Variants in CEP164 observed in about 807,000 individuals in gnomAD.
The protein encoded by CEP164 is centrosomal protein of 164 kDa.
Under a neutral mutation model 182.7 loss-of-function variants are expected in CEP164, and 162 were observed. The observed-to-expected ratio is 0.89, with a 90% CI of 0.78 to 1.01. The LOEUF (loss-of-function observed/expected upper bound fraction) is 1.01, where lower values mean the gene tolerates loss of function less well. Ranked by LOEUF, CEP164 falls within the 50% of genes least tolerant of loss-of-function variation. The pLI, the probability that CEP164 is intolerant of heterozygous loss-of-function variation, is 0.00. For missense variants in CEP164, 1,735 were observed against 1,790.4 expected (o/e 0.97, Z 0.56); for synonymous variants, 661 against 690.0 (o/e 0.96, Z 0.66).
chr11:117,329,649 C>G (rs949617599), intron 1 of CEP164, among the ~76,000 whole-genome samples: 1 of 152,186 alleles, frequency 6.6e-6, no homozygotes, highest in Non-Finnish European at 1.5e-5. Context: ...TCAAGCGATT[C>G]TCCTGCCTCA....
chr11:117,328,756 A>G (rs1246254071), intron 1 of CEP164, among the ~76,000 whole-genome samples: 1 of 152,184 alleles, frequency 6.6e-6, no homozygotes, highest in Non-Finnish European at 1.5e-5. Flanking sequence ...TTATTCATCT[A>G]ATAAATACAG....
intron 1 of CEP164, among the ~76,000 whole-genome samples, chr11:117,329,831 C>G (rs1228977666): frequency 7.0e-6 from 1 of 143,736 alleles, no homozygotes; most frequent in Non-Finnish European, 1.5e-5. Flanking sequence ...TGAGCCACTG[C>G]GCCTGGCCTT....
Position 117,411,231 on chromosome 11 carries a change from CGGAGTCT to C in CEP164, c.4163+340_4163+346del, listed in dbSNP as rs2047325131. 3.2e-6 allele frequency: 1 copy of C among 315,710 alleles called. No individual in the cohort carries two copies. The highest frequency in any genetic ancestry group is 2.1e-5 in the African/African-American group (1 of 48,176). 19.6% of individuals were successfully genotyped at this position (315,710 alleles called of 1,614,324 possible). ...CCCCTCCCTCTAGCCCCTCCAGCCC[CGGAGTCT>C]GGCCTTTGTCTTTGCCCTTGAGCTC... On this transcript the variant is annotated intron_variant, in intron 31 of 32. Transcript: ENST00000278935. This position sits in a 1 kb window ranked among gnomAD's most constrained non-coding sequence, Gnocchi z 4.4.
At chr11:117,337,247 G>T (rs773346178) in intron 2 of CEP164, among the ~76,000 whole-genome samples, 1 of 152,106 alleles carries the variant, frequency 6.6e-6, no homozygotes, top group Non-Finnish European at 1.5e-5. Flanking sequence ...TCAGATGGTA[G>T]AGAGAGACCT....
At position 117,350,737 on chromosome 11, in the gene CEP164, T is replaced by A. The variant is rs547712847; in HGVS notation, c.195-1053T>A. On this transcript the variant is annotated intron_variant, in intron 4 of 32. Coordinates refer to ENST00000278935, the MANE Select transcript of CEP164 (RefSeq NM_014956.5). Reference sequence around the variant, plus strand: ...TTATTGGCATCTTTACAGACTTGAGTCTTTCTATTCTGGAATACTGAATGC... The same window carrying A: ...TTATTGGCATCTTTACAGACTTGAGACTTTCTATTCTGGAATACTGAATGC... Among the ~76,000 whole-genome samples the A allele has an allele frequency of 2.0e-5, 3 of 152,298 alleles. No individual in the cohort carries two copies. The South Asian group carries it at 6.2e-4, about 32-fold the overall frequency.
At chr11:117,336,741 C>A in intron 2 of CEP164, 1 of 648,732 alleles carries the variant, frequency 1.5e-6, no homozygotes, top group Non-Finnish European at 2.8e-6. Flanking sequence ...GCCGTTTCAT[C>A]CTTGCTGCTC....
chr11:117,378,408 T>G (rs1342534731), intron 11 of CEP164, among the ~76,000 whole-genome samples: 2 of 152,238 alleles, frequency 1.3e-5, no homozygotes, highest in African/African-American at 4.8e-5. Flanking sequence ...AACTGCATGG[T>G]GATGTGCTCT....
At chr11:117,323,883 G>A (rs1181645579), upstream of CEP164, 1 of 404,802 alleles carries the variant, frequency 2.5e-6, no homozygotes, top group East Asian at 7.9e-5. Flanking sequence ...TTGGCCATTT[G>A]TATATCTTCT....
At chr11:117,326,086 T>C (rs2035426607), upstream of CEP164, among the ~76,000 whole-genome samples, 1 of 151,556 alleles carries the variant, frequency 6.6e-6, no homozygotes, top group Non-Finnish European at 1.5e-5. Context: ...AATTTTGTAT[T>C]TTTTAGTAGA....
chr11:117,342,071 A>T (rs973901234), intron 3 of CEP164, among the ~76,000 whole-genome samples: 7 of 152,052 alleles, frequency 4.6e-5, no homozygotes, highest in Non-Finnish European at 1.0e-4. Context: ...TCTTGCATTT[A>T]TCAGAAGCTT....
chr11:117,324,439 T>C (rs1489947823), upstream of CEP164, among the ~76,000 whole-genome samples: 3 of 137,764 alleles, frequency 2.2e-5, no homozygotes, highest in Non-Finnish European at 4.7e-5. Context: ...AAACTCCCTC[T>C]CAAAAAAAAA....
upstream of CEP164, among the ~76,000 whole-genome samples, chr11:117,325,187 C>T (rs1385912783): frequency 2.6e-5 from 4 of 152,106 alleles, no homozygotes; most frequent in Non-Finnish European, 5.9e-5. Context: ...CGGGTTCAAG[C>T]GATTCTCCTG....
intron 4 of CEP164, among the ~76,000 whole-genome samples, chr11:117,344,939 C>A (rs2038679805): frequency 6.6e-6 from 1 of 150,666 alleles, no homozygotes; most frequent in South Asian, 2.1e-4. Context: ...AAAAAAAAAA[C>A]CAAAGTAAAT....
chr11:117,407,457 CAAAAAAAA>C (rs1232486465), intron 27 of CEP164, among the ~76,000 whole-genome samples: 45 of 69,012 alleles, frequency 6.5e-4, no homozygotes, highest in South Asian at 2.5e-3. Flanking sequence ...TCTGTCTCTA[CAAAAAAAA>C]AAAAAAAAAA....
chr11:117,346,330 G>A (rs1209371440), intron 4 of CEP164, among the ~76,000 whole-genome samples: 1 of 151,526 alleles, frequency 6.6e-6, no homozygotes, highest in African/African-American at 2.4e-5. Flanking sequence ...GTGCAATGGC[G>A]CAATCTTGGC....
In CEP164 at chr11:117,412,534, G is replaced by A. The variant is rs1158748056; in HGVS notation, c.*366G>A. 4 of 217,932 alleles carry A rather than the reference G, an allele frequency of 1.8e-5. No individual in the cohort carries two copies. Among genetic ancestry groups the A allele is most frequent in the Non-Finnish European group, 3.7e-5 (4 of 107,452 alleles). 13.5% of individuals were successfully genotyped at this position (217,932 alleles called of 1,614,324 possible). On this transcript the variant is annotated 3_prime_UTR_variant, in exon 33 of 33. Transcript: ENST00000278935. ...CTGGTTGTTTCCTTGGCCCTGCAGC[G>A]CACTGCTCGGGGCTCCCAAGGAGGT...
rs778958469 is a variant in CEP164 at position 117,381,865 on chromosome 11, A to G, written c.1574A>G (p.Gln525Arg). ...AGCCTCAGCCTGCAGCTGTCCCTCC[A>G]GAGGTAAGGATGAGGGGAAGCATCC... ...AASLSLQLSL[Q>R]REQAPSPPAA... The change falls in exon 13 of 33, where the codon CAG becomes CGG. Residue 525 changes from glutamine to arginine, a missense_variant. Physicochemically the swap from Gln to Arg is conservative, Grantham distance 43. Transcript: ENST00000278935. 24 of 1,495,670 alleles carry G rather than the reference A, an allele frequency of 1.6e-5. No homozygotes were observed. The East Asian group carries it at 5.8e-4, about 36-fold the overall frequency. 92.6% of individuals were successfully genotyped at this position (1,495,670 alleles called of 1,614,324 possible). A position where few individuals can be genotyped will look rare whatever the true frequency, so the allele number is the denominator to read the frequency against.
At position 117,380,613 on chromosome 11, in the gene CEP164, G is replaced by A; in HGVS notation, c.1318-1G>A. 6.3e-7 allele frequency: 1 copy of A among 1,595,882 alleles called. No homozygotes were observed. Among genetic ancestry groups the A allele is most frequent in the Non-Finnish European group, 8.5e-7 (1 of 1,170,628 alleles). ...AACTTTTTATTGCTTCTCTCCTACA[G>A]GCCCAGCAACCACTGGGAATAGAAG... On this transcript the variant is annotated splice_acceptor_variant, in intron 11 of 32. Transcript: ENST00000278935. LOFTEE classifies it high-confidence loss of function.
At chr11:117,345,405 A>G (rs2038741633) in intron 4 of CEP164, among the ~76,000 whole-genome samples, 3 of 152,118 alleles carry the variant, frequency 2.0e-5, no homozygotes, top group Non-Finnish European at 4.4e-5. Flanking sequence ...ACATGCATAG[A>G]GCTCTCTCCA....
Sources: gnomAD v4.1 joint callset for allele counts (sites outside exome capture counted in the v4.1 genomes callset) on GRCh38, gnomAD v4.1.1 for gene constraint, Gnocchi (gnomAD v3.1) non-coding constraint, MANE v1.5 for transcripts, NCBI Gene and HGNC (gene_info 2026-07-23, HGNC 2026-07-21) for gene names.